TENM3: variants seen among roughly 807,000 people sequenced by gnomAD.
TENM3 encodes teneurin transmembrane protein 3.
A neutral mutation model predicts 255.1 loss-of-function variants in TENM3; 63 were observed. The ratio of observed to expected loss-of-function variants is 0.25; its 90% CI spans 0.20 to 0.30. The LOEUF is 0.30. Ranked by LOEUF, TENM3 falls within the 10% of genes least tolerant of loss-of-function variation. The pLI is 1.00. For synonymous variants in TENM3, 1,306 were observed against 1,322.3 expected (o/e 0.99, Z 0.27); for missense variants, 2,929 against 3,461.1 (o/e 0.85, Z 3.86).
intron 3 of TENM3, among the ~76,000 whole-genome samples, chr4:182,418,969 G>C (rs1770592322): frequency 6.6e-6 from 1 of 152,150 alleles, no homozygotes; most frequent in African/African-American, 2.4e-5. Context: ...AGGGTTATGA[G>C]TGGATACGAC....
intron 1 of TENM3, among the ~76,000 whole-genome samples, chr4:182,291,721 G>A (rs550574539): frequency 6.6e-6 from 1 of 152,244 alleles, no homozygotes; most frequent in Admixed American, 6.5e-5. Flanking sequence ...CCTCCTCATG[G>A]TGTCTTCTCC....
chr4:182,676,221 A>G (rs1186826333), intron 7 of TENM3, among the ~76,000 whole-genome samples: 1 of 152,250 alleles, frequency 6.6e-6, no homozygotes, highest in African/African-American at 2.4e-5. Context: ...GATTGTTGCC[A>G]AGGAATCAGT....
chr4:181,463,923 C>T, the TENM3 span, among the ~76,000 whole-genome samples: 13 of 152,186 alleles, frequency 8.5e-5, no homozygotes, highest in East Asian at 2.5e-3. Flanking sequence ...GTTCTTTGGC[C>T]TTTTGACTTA....
chr4:182,112,572 C>T, the TENM3 span, among the ~76,000 whole-genome samples: 1 of 152,148 alleles, frequency 6.6e-6, no homozygotes, highest in South Asian at 2.1e-4. Context: ...GTGTAATTTT[C>T]TATGTGTCTA....
the TENM3 span, among the ~76,000 whole-genome samples, chr4:181,755,160 T>C: frequency 2.9e-3 from 449 of 152,314 alleles, 1 homozygote; most frequent in African/African-American, 0.01. Flanking sequence ...AGCCTGTGTT[T>C]ATTGCATTTT....
the TENM3 span, among the ~76,000 whole-genome samples, chr4:181,746,443 G>T: frequency 2.0e-5 from 3 of 152,096 alleles, no homozygotes; most frequent in African/African-American, 7.2e-5. Context: ...ATGGCCTGGG[G>T]GGTCTGCAGA....
upstream of TENM3, among the ~76,000 whole-genome samples, chr4:182,238,430 G>A (rs1371722552): frequency 6.6e-6 from 1 of 152,058 alleles, no homozygotes; most frequent in African/African-American, 2.4e-5. Flanking sequence ...CAAATGCAAC[G>A]CCCAGGGGAA....
chr4:182,426,414 T>C (rs1322271356), intron 3 of TENM3, among the ~76,000 whole-genome samples: 4 of 152,190 alleles, frequency 2.6e-5, no homozygotes, highest in African/African-American at 9.7e-5. Context: ...TTAAGATAGC[T>C]TCTAAAGACA....
intron 3 of TENM3, among the ~76,000 whole-genome samples, chr4:182,399,362 C>T (rs917397792): frequency 3.3e-5 from 5 of 152,036 alleles, no homozygotes; most frequent in African/African-American, 1.2e-4. Context: ...GAATTCTAAA[C>T]GTGTTAACTG....
the TENM3 span, among the ~76,000 whole-genome samples, chr4:181,457,323 G>C: frequency 6.6e-6 from 1 of 151,762 alleles, no homozygotes; most frequent in Non-Finnish European, 1.5e-5. Flanking sequence ...TAGTGTGAAA[G>C]ACACAAAGGG....
chr4:181,778,073 T>C, the TENM3 span, among the ~76,000 whole-genome samples: 1 of 152,188 alleles, frequency 6.6e-6, no homozygotes, highest in East Asian at 1.9e-4. Flanking sequence ...AAAAAAATTT[T>C]GCTCAACAAT....
intron 10 of TENM3, among the ~76,000 whole-genome samples, chr4:182,681,361 G>C (rs1033025689): frequency 3.9e-5 from 6 of 152,176 alleles, no homozygotes; most frequent in African/African-American, 1.4e-4. Context: ...GAGTCAAATT[G>C]CTAAATTAAA....
At chr4:182,241,522 T>TTTTTTG, upstream of TENM3, among the ~76,000 whole-genome samples, 1 of 142,432 alleles carries the variant, frequency 7.0e-6, no homozygotes, top group Non-Finnish European at 1.5e-5. Flanking sequence ...TTCTTTCTTT[T>TTTTTTG]TTTTTTTTTT....
At chr4:182,327,886 G>A (rs1366075251) in intron 2 of TENM3, among the ~76,000 whole-genome samples, 1 of 152,194 alleles carries the variant, frequency 6.6e-6, no homozygotes, top group African/African-American at 2.4e-5. Flanking sequence ...TTGGAGAAGT[G>A]GTAAAATAAA....
intron 5 of TENM3, among the ~76,000 whole-genome samples, chr4:182,648,288 G>T (rs1030731330): frequency 3.4e-5 from 5 of 146,482 alleles, no homozygotes; most frequent in African/African-American, 5.0e-5. Flanking sequence ...CTTTTAAGTT[G>T]TTTTTTTTTT....
intron 1 of TENM3, among the ~76,000 whole-genome samples, chr4:182,320,545 C>T (rs1315926385): frequency 6.6e-6 from 1 of 152,186 alleles, no homozygotes; most frequent in Non-Finnish European, 1.5e-5. Flanking sequence ...CCAGTCATTG[C>T]ATTTAGGGCC....
chr4:181,509,127 C>T, the TENM3 span, among the ~76,000 whole-genome samples: 4 of 151,942 alleles, frequency 2.6e-5, no homozygotes, highest in Non-Finnish European at 4.4e-5. Flanking sequence ...TGGAACATGG[C>T]ACTTTCACTT....
the TENM3 span, among the ~76,000 whole-genome samples, chr4:181,829,212 TG>T: frequency 6.6e-6 from 1 of 152,226 alleles, no homozygotes; most frequent in Non-Finnish European, 1.5e-5. Context: ...ACACTATCAC[TG>T]TTAACAAACA....
intron 24 of TENM3, among the ~76,000 whole-genome samples, chr4:182,784,223 T>G (rs1480210358): frequency 2.0e-5 from 3 of 152,132 alleles, no homozygotes; most frequent in Non-Finnish European, 2.9e-5. Context: ...GATGTACAGA[T>G]GGGTTTTTGG....
Sources: gnomAD v4.1 joint callset for allele counts (sites outside exome capture counted in the v4.1 genomes callset) on GRCh38, gnomAD v4.1.1 for gene constraint, MANE v1.5 for transcripts, NCBI Gene and HGNC (gene_info 2026-07-23, HGNC 2026-07-21) for gene names.